NLGN1: variants seen among roughly 807,000 people sequenced by gnomAD.
The protein encoded by NLGN1 is neuroligin-1.
In NLGN1, 12 loss-of-function variants were observed where a neutral mutation model predicts 65.5. The observed-to-expected ratio is 0.18, with a 90% CI of 0.12 to 0.30. The LOEUF is 0.30. Ranked by LOEUF, NLGN1 falls within the 10% of genes least tolerant of loss-of-function variation. NLGN1 has a pLI of 1.00. For synonymous variants in NLGN1, 350 were observed against 359.5 expected (o/e 0.97, Z 0.30); for missense variants, 750 against 1,007.1 (o/e 0.74, Z 3.46).
chr3:173,534,970 G>T (rs1464830775), intron 2 of NLGN1, among the ~76,000 whole-genome samples: 1 of 152,002 alleles, frequency 6.6e-6, no homozygotes, highest in Non-Finnish European at 1.5e-5. Flanking sequence ...TATGTTCTTT[G>T]CAAACACTGA....
At chr3:173,589,711 T>C (rs1217093832) in intron 2 of NLGN1, among the ~76,000 whole-genome samples, 1 of 152,174 alleles carries the variant, frequency 6.6e-6, no homozygotes, top group Non-Finnish European at 1.5e-5. Flanking sequence ...CAAATGCCTA[T>C]TGGGAAACAT....
At chr3:174,129,353 C>T (rs1374744378) in intron 4 of NLGN1, among the ~76,000 whole-genome samples, 4 of 83,800 alleles carry the variant, frequency 4.8e-5, no homozygotes, top group Non-Finnish European at 1.0e-4. Context: ...CCCCGGTTTA[C>T]AACACACACA....
chr3:174,097,061 C>T (rs1425972988), intron 4 of NLGN1, among the ~76,000 whole-genome samples: 1 of 151,716 alleles, frequency 6.6e-6, no homozygotes, highest in Non-Finnish European at 1.5e-5. Flanking sequence ...CATTTATTCA[C>T]CTTGGGAACG....
chr3:173,584,790 G>GGA (rs1479992698), intron 2 of NLGN1: 1 of 151,238 alleles, frequency 6.6e-6, no homozygotes, highest in Non-Finnish European at 1.5e-5. Flanking sequence ...AAAAAGGAGG[G>GGA]GGGGGTGCAA....
chr3:173,834,686 G>T (rs1014463349), intron 4 of NLGN1, among the ~76,000 whole-genome samples: 1 of 152,100 alleles, frequency 6.6e-6, no homozygotes, highest in Non-Finnish European at 1.5e-5. Context: ...AATCAAATAC[G>T]TGAAGAAATT....
In NLGN1 at chr3:173,525,200, C is replaced by G. The variant is rs934189507; in HGVS notation, c.-320-79079C>G. Among the ~76,000 whole-genome samples, 4 of 151,938 alleles carry G rather than the reference C, an allele frequency of 2.6e-5. No homozygotes were observed. The South Asian group carries it at 8.3e-4, about 32-fold the overall frequency. Reference sequence around the variant, plus strand: ...TCCTTTTATGTCTGGTAGAGTTTGGCTGTGAATCTGTCTGGTCCTGGGTGG... The same window carrying G: ...TCCTTTTATGTCTGGTAGAGTTTGGGTGTGAATCTGTCTGGTCCTGGGTGG... On this transcript the variant is annotated intron_variant, in intron 2 of 6. Coordinates refer to ENST00000457714, the Ensembl canonical transcript of NLGN1.
At chr3:173,543,273 A>G (rs1269345972) in intron 2 of NLGN1, among the ~76,000 whole-genome samples, 1 of 152,146 alleles carries the variant, frequency 6.6e-6, no homozygotes, top group African/African-American at 2.4e-5. Context: ...GTCTATTAGC[A>G]TAGCACTTAA....
At chr3:174,049,612 T>C (rs1328306219) in intron 4 of NLGN1, among the ~76,000 whole-genome samples, 1 of 152,120 alleles carries the variant, frequency 6.6e-6, no homozygotes, top group Non-Finnish European at 1.5e-5. Flanking sequence ...CTGCCATCTT[T>C]CTTACTTAGT....
intron 3 of NLGN1, among the ~76,000 whole-genome samples, chr3:173,793,952 A>G (rs1297275844): frequency 6.6e-6 from 1 of 152,028 alleles, no homozygotes. Flanking sequence ...TGTGTGTTCC[A>G]GTTGATTCTT....
chr3:174,241,461 C>T (rs530540253), intron 4 of NLGN1, among the ~76,000 whole-genome samples: 4 of 151,202 alleles, frequency 2.6e-5, no homozygotes, highest in Admixed American at 2.6e-4. Context: ...TCTTAGAAGC[C>T]GAGTTTTCTA....
chr3:173,781,544 G>A (rs891054389), intron 3 of NLGN1, among the ~76,000 whole-genome samples: 3 of 152,144 alleles, frequency 2.0e-5, no homozygotes, highest in African/African-American at 7.2e-5. Flanking sequence ...TGGATACATT[G>A]TTGTCAAAGT....
chr3:173,764,514 G>A (rs1228431780), intron 3 of NLGN1, among the ~76,000 whole-genome samples: 1 of 152,168 alleles, frequency 6.6e-6, no homozygotes, highest in Non-Finnish European at 1.5e-5. Flanking sequence ...ATTTGCTCCT[G>A]TGTTCCGAAG....
At chr3:174,158,189 TCTC>T (rs1247235772) in intron 4 of NLGN1, among the ~76,000 whole-genome samples, 3 of 151,784 alleles carry the variant, frequency 2.0e-5, no homozygotes, top group Admixed American at 6.6e-5. Flanking sequence ...CAGTTTTTAG[TCTC>T]CTTTTATTTT....
chr3:174,179,151 A>G (rs1462329101), intron 4 of NLGN1, among the ~76,000 whole-genome samples: 2 of 152,134 alleles, frequency 1.3e-5, no homozygotes, highest in Non-Finnish European at 2.9e-5. Context: ...TTATTTTTAA[A>G]TGAATTGTTT....
chr3:173,739,746 C>G (rs1377672915), intron 3 of NLGN1, among the ~76,000 whole-genome samples: 1 of 152,062 alleles, frequency 6.6e-6, no homozygotes, highest in Admixed American at 6.6e-5. Context: ...ATAAGGCTGA[C>G]GTTCTTCCTA....
At chr3:173,666,316 C>G (rs1286027271) in intron 3 of NLGN1, among the ~76,000 whole-genome samples, 1 of 152,010 alleles carries the variant, frequency 6.6e-6, no homozygotes, top group African/African-American at 2.4e-5. Context: ...ATGAAATGTC[C>G]TATTGATAGG....
rs138743781 is a variant in NLGN1, at chr3:173,695,725, T to C, written c.493+90634T>C. Among the ~76,000 whole-genome samples, 486 of 152,304 alleles carry C rather than the reference T, an allele frequency of 3.2e-3. 3 individuals are homozygous for C. Among genetic ancestry groups the C allele is most frequent in the African/African-American group, 0.011 (465 of 41,562 alleles). ...CATATCCACAAGCATAACTCAACCT[T>C]ATTACGATCACTTCTTGAAATAAAA... On this transcript the variant is annotated intron_variant, in intron 3 of 6. Transcript: ENST00000457714.
intron 4 of NLGN1, among the ~76,000 whole-genome samples, chr3:173,991,310 A>T (rs1721054673): frequency 6.6e-6 from 1 of 152,158 alleles, no homozygotes. Flanking sequence ...ATAAAAACAT[A>T]TTATCTATAT....
At chr3:173,593,811 G>T (rs1188090467) in intron 2 of NLGN1, among the ~76,000 whole-genome samples, 2 of 152,180 alleles carry the variant, frequency 1.3e-5, no homozygotes, top group Non-Finnish European at 2.9e-5. Context: ...GGCTAGGAAG[G>T]CCTCAGAATC....
Sources: allele counts gnomAD v4.1 joint callset (sites outside exome capture counted in the v4.1 genomes callset), GRCh38; gene constraint gnomAD v4.1.1; transcripts MANE v1.5; gene names NCBI Gene and HGNC (gene_info 2026-07-23, HGNC 2026-07-21).